Variants in CDC14B observed in about 807,000 individuals in gnomAD.
CDC14B encodes the protein cell division cycle 14B.
Under a neutral mutation model 64.2 loss-of-function variants are expected in CDC14B, and 22 were observed. The ratio of observed to expected loss-of-function variants is 0.34; its 90% CI spans 0.24 to 0.49. The LOEUF is 0.49. Among genes scored for constraint, CDC14B ranks in the 20% least tolerant of loss-of-function variants. The pLI is 0.99. For synonymous variants in CDC14B, 191 were observed against 215.8 expected (o/e 0.89, Z 1.01); for missense variants, 498 against 629.9 (o/e 0.79, Z 2.24).
At chr9:96,560,645 G>A (rs967403650) in intron 4 of CDC14B, among the ~76,000 whole-genome samples, 4 of 141,168 alleles carry the variant, frequency 2.8e-5, no homozygotes, top group Non-Finnish European at 4.5e-5. Flanking sequence ...GTGCTGTGGT[G>A]CGATCTCGGC....
intron 13 of CDC14B, among the ~76,000 whole-genome samples, chr9:96,508,762 T>C (rs968133716): frequency 6.6e-6 from 1 of 152,320 alleles, no homozygotes; most frequent in Non-Finnish European, 1.5e-5. Flanking sequence ...CCAAGGTCTC[T>C]TGGGAGACTG....
At chr9:96,557,203 C>G (rs764519584) in intron 4 of CDC14B, among the ~76,000 whole-genome samples, 6 of 152,236 alleles carry the variant, frequency 3.9e-5, no homozygotes, top group African/African-American at 1.4e-4. Context: ...CCCACAGGGC[C>G]GGCTCCCAAG....
At chr9:96,499,834 C>T (rs775685050), downstream of CDC14B, among the ~76,000 whole-genome samples, 3 of 152,328 alleles carry the variant, frequency 2.0e-5, no homozygotes, top group Non-Finnish European at 4.4e-5. Flanking sequence ...ACCAGGGCCA[C>T]GCAGGCACCA....
rs140624337 is a variant in CDC14B, at chr9:96,595,581, A to G, written c.160+23638T>C. On this transcript the variant is annotated intron_variant, in intron 1 of 13. Transcript: ENST00000375241. Reference sequence around the variant, plus strand: ...GGAGAAACAACTTGAATGTGCATCAACTGGTAAACAAAATATGATACCGTC... The same window carrying G: ...GGAGAAACAACTTGAATGTGCATCAGCTGGTAAACAAAATATGATACCGTC... Among the ~76,000 whole-genome samples the G allele has an allele frequency of 4.1e-3, 621 of 152,340 alleles. 6 individuals carry two copies. Among genetic ancestry groups the G allele is most frequent in the African/African-American group, 0.013 (556 of 41,574 alleles).
intron 7 of CDC14B, among the ~76,000 whole-genome samples, chr9:96,536,747 C>G (rs1839327779): frequency 6.6e-6 from 1 of 152,186 alleles, no homozygotes; most frequent in African/African-American, 2.4e-5. Flanking sequence ...TTTGAGGAAT[C>G]ATCTCCCCAG....
chr9:96,572,260 C>G (rs1401288608), intron 1 of CDC14B, among the ~76,000 whole-genome samples: 1 of 152,166 alleles, frequency 6.6e-6, no homozygotes, highest in Non-Finnish European at 1.5e-5. Context: ...ATTCCTCCAG[C>G]AAATTAATTG....
At chr9:96,517,837 T>C (rs1041846296) in intron 12 of CDC14B, among the ~76,000 whole-genome samples, 1 of 151,356 alleles carries the variant, frequency 6.6e-6, no homozygotes. Context: ...CCCAGTTTTT[T>C]TTTTTTATTT....
chr9:96,595,026 T>C (rs1318785943), intron 1 of CDC14B, among the ~76,000 whole-genome samples: 1 of 151,962 alleles, frequency 6.6e-6, no homozygotes, highest in African/African-American at 2.4e-5. Context: ...GGCACGTGCC[T>C]GTAGTCCCAG....
intron 1 of CDC14B, among the ~76,000 whole-genome samples, chr9:96,577,668 T>G (rs1296407173): frequency 1.3e-5 from 2 of 152,128 alleles, no homozygotes; most frequent in Non-Finnish European, 2.9e-5. Flanking sequence ...TCTCCCTCTA[T>G]CCTGCAGCAT....
At chr9:96,538,201 T>C (rs1343983343) in intron 7 of CDC14B, among the ~76,000 whole-genome samples, 1 of 152,216 alleles carries the variant, frequency 6.6e-6, no homozygotes, top group Non-Finnish European at 1.5e-5. Context: ...TCAATCACTG[T>C]GTGACAGCCA....
At chr9:96,602,852 A>T (rs1189636914) in intron 1 of CDC14B, among the ~76,000 whole-genome samples, 1 of 152,094 alleles carries the variant, frequency 6.6e-6, no homozygotes, top group African/African-American at 2.4e-5. Flanking sequence ...AAAAGTAATG[A>T]GCACCTATAT....
chr9:96,517,266 C>T (rs539467497), intron 12 of CDC14B, among the ~76,000 whole-genome samples: 26 of 150,936 alleles, frequency 1.7e-4, no homozygotes, highest in African/African-American at 5.3e-4. Flanking sequence ...TGCTTGAGCT[C>T]GGGAGGCGGA....
chr9:96,598,117 T>C (rs556692735), intron 1 of CDC14B, among the ~76,000 whole-genome samples: 1 of 152,224 alleles, frequency 6.6e-6, no homozygotes, highest in Admixed American at 6.5e-5. Flanking sequence ...TCATCACAGA[T>C]AATAATGTCA....
chr9:96,618,550 G>A (rs758969700), intron 1 of CDC14B: 8 of 533,352 alleles, frequency 1.5e-5, no homozygotes, highest in Non-Finnish European at 2.7e-5. Flanking sequence ...TCGTCTTGCC[G>A]GCTGGCTCGA....
chr9:96,573,461 G>GA (rs1002554007), intron 1 of CDC14B, among the ~76,000 whole-genome samples: 151 of 147,148 alleles, frequency 1.0e-3, no homozygotes, highest in African/African-American at 2.0e-3. Flanking sequence ...AAATGTAATA[G>GA]AAAAAAAAAA....
chr9:96,560,759 C>CTTTTT (rs369325680), intron 4 of CDC14B, among the ~76,000 whole-genome samples: 6,274 of 132,262 alleles, frequency 0.047, 489 homozygotes, highest in African/African-American at 0.17. Context: ...ACTACTCAAA[C>CTTTTT]TTTTTTTTTT....
At position 96,539,060 on chromosome 9, in the gene CDC14B, T is replaced by C. The variant is rs768301250; in HGVS notation, c.627+18A>G. Reference sequence around the variant, plus strand: ...GCGGGGGGAGGAAGAGTTGAAAACATGATCCTTGAAGACTTACTTCATAGT... The same window carrying C: ...GCGGGGGGAGGAAGAGTTGAAAACACGATCCTTGAAGACTTACTTCATAGT... On this transcript the variant is annotated intron_variant, in intron 7 of 13. Transcript: ENST00000375241. 1.9e-6 allele frequency: 3 copies of C among 1,558,044 alleles called. No individual in the cohort carries two copies. Among genetic ancestry groups the C allele is most frequent in the Non-Finnish European group, 2.7e-6 (3 of 1,130,456 alleles).
intron 1 of CDC14B, among the ~76,000 whole-genome samples, chr9:96,578,888 G>A (rs894079563): frequency 2.0e-5 from 3 of 152,110 alleles, no homozygotes; most frequent in East Asian, 3.9e-4. Flanking sequence ...CCGCGATCTC[G>A]GCTCACTGCA....
chr9:96,601,705 A>T lies in CDC14B; in HGVS notation c.160+17514T>A, dbSNP rs573909647. 5.4e-4 allele frequency among the ~76,000 whole-genome samples: 82 copies of T among 151,276 alleles called. No homozygotes were observed. In the South Asian group the frequency reaches 0.017, roughly 31 times the overall value. ...CTACTCGGGAAGCTGAGGCAGGAGAATCACTTGAACCCAGGAGGTGGGGGT... is the reference window on the plus strand; with the variant it reads ...CTACTCGGGAAGCTGAGGCAGGAGATTCACTTGAACCCAGGAGGTGGGGGT... On this transcript the variant is annotated intron_variant, in intron 1 of 13. Coordinates refer to ENST00000375241, the MANE Select transcript of CDC14B (RefSeq NM_033331.4).
Sources: gnomAD v4.1 joint callset for allele counts (sites outside exome capture counted in the v4.1 genomes callset) on GRCh38, gnomAD v4.1.1 for gene constraint, MANE v1.5 for transcripts, NCBI Gene and HGNC (gene_info 2026-07-23, HGNC 2026-07-21) for gene names.